Variants in UNC5A observed in about 807,000 individuals in gnomAD.
The protein encoded by UNC5A is unc-5 netrin receptor A, also known as netrin receptor UNC5A.
UNC5A carries 20 observed loss-of-function variants against 87.4 expected under a neutral mutation model. The ratio of observed to expected loss-of-function variants is 0.23; its 90% confidence interval spans 0.16 to 0.33. The LOEUF (loss-of-function observed/expected upper bound fraction) is 0.33. Among genes scored for constraint, UNC5A ranks in the 10% least tolerant of loss-of-function variants. UNC5A has a pLI of 1.00. For missense variants in UNC5A, 844 were observed against 1,133.4 expected, an observed-to-expected ratio of 0.74 and a Z score of 3.67; for synonymous variants, 438 against 482.3, an observed-to-expected ratio of 0.91 and a Z score of 1.20.
chr5:176,815,445 GT>G (rs1756564390), intron 1 of UNC5A, among the ~76,000 whole-genome samples: 2 of 152,344 alleles, frequency 1.3e-5, no homozygotes, highest in Admixed American at 1.3e-4. Flanking sequence ...GGCAGTCAGG[GT>G]CAACTTCCAA....
intron 1 of UNC5A, among the ~76,000 whole-genome samples, chr5:176,835,148 C>T (rs998018662): frequency 2.6e-5 from 4 of 152,280 alleles, no homozygotes; most frequent in Non-Finnish European, 4.4e-5. Context: ...GCCATGTGTT[C>T]TCACATCCCA....
intron 1 of UNC5A, among the ~76,000 whole-genome samples, chr5:176,847,815 C>T (rs2113631244): frequency 6.6e-6 from 1 of 152,276 alleles, no homozygotes; most frequent in Non-Finnish European, 1.5e-5. Context: ...AAAGAGGCCC[C>T]TGGCCCTCCC....
At chr5:176,840,255 C>T (rs771428763) in intron 1 of UNC5A, among the ~76,000 whole-genome samples, 4 of 152,104 alleles carry the variant, frequency 2.6e-5, no homozygotes, top group Non-Finnish European at 5.9e-5. Context: ...TGTAAGGAAC[C>T]CGCTGGGCCT....
intron 1 of UNC5A, among the ~76,000 whole-genome samples, chr5:176,846,957 G>A (rs954004827): frequency 6.6e-6 from 1 of 152,144 alleles, no homozygotes; most frequent in South Asian, 2.1e-4. Flanking sequence ...CAGGATGGAC[G>A]CAGAGCCGCG....
chr5:176,840,274 G>A (rs1321395849), intron 1 of UNC5A, among the ~76,000 whole-genome samples: 4 of 152,162 alleles, frequency 2.6e-5, no homozygotes, highest in Non-Finnish European at 5.9e-5. Context: ...CTGAGGGAGA[G>A]GAGACTGGAG....
At chr5:176,827,163 C>T (rs1463355085) in intron 1 of UNC5A, among the ~76,000 whole-genome samples, 7 of 148,324 alleles carry the variant, frequency 4.7e-5, no homozygotes, top group African/African-American at 1.5e-4. Context: ...TGAAAGCATG[C>T]ATCACTGCTT....
At chr5:176,873,111 C>T in intron 6 of UNC5A, among the ~76,000 whole-genome samples, 1 of 149,960 alleles carries the variant, frequency 6.7e-6, no homozygotes, top group Non-Finnish European at 1.5e-5. Flanking sequence ...ACCACAGCTT[C>T]CCATCTGCCC....
intron 1 of UNC5A, among the ~76,000 whole-genome samples, chr5:176,817,333 G>A (rs1455239286): frequency 6.6e-6 from 1 of 152,064 alleles, no homozygotes; most frequent in African/African-American, 2.4e-5. Context: ...CACCTGAAGC[G>A]CCTTGGGGAG....
chr5:176,817,031 A>G (rs1274981858), intron 1 of UNC5A, among the ~76,000 whole-genome samples: 1 of 152,170 alleles, frequency 6.6e-6, no homozygotes, highest in Non-Finnish European at 1.5e-5. Context: ...GAGCTCTGGG[A>G]AGTCTGAGTG....
chr5:176,866,373 C>T lies in UNC5A; in HGVS notation c.293-1757C>T, dbSNP rs184916359. ...GCTGGCACATTGAGGACACACTTGG[C>T]CCTCACTCATGCAAGTGAGAGGGAG... On this transcript the variant is annotated intron_variant, in intron 2 of 14. Coordinates refer to ENST00000329542, the MANE Select transcript of UNC5A (RefSeq NM_133369.3). The surrounding 1 kb of genome is among the most constrained non-coding windows in gnomAD (Gnocchi z 5.0). 5.4e-4 allele frequency among the ~76,000 whole-genome samples: 82 copies of T among 152,252 alleles called. 3 individuals carry two copies. Among genetic ancestry groups the T allele is most frequent in the African/African-American group, 1.9e-3 (80 of 41,554 alleles).
At chr5:176,835,729 A>ATGTGTG (rs55990257) in intron 1 of UNC5A, among the ~76,000 whole-genome samples, 5,372 of 145,292 alleles carry the variant, frequency 0.037, 148 homozygotes, top group East Asian at 0.14. Context: ...TTGATAAAGG[A>ATGTGTG]TGTGTGTGTG....
At chr5:176,818,432 C>A (rs1005070373) in intron 1 of UNC5A, among the ~76,000 whole-genome samples, 2 of 152,248 alleles carry the variant, frequency 1.3e-5, no homozygotes, top group African/African-American at 2.4e-5. Context: ...AGAGGAGGAG[C>A]CCCTGGGGGC....
intron 1 of UNC5A, among the ~76,000 whole-genome samples, chr5:176,847,755 T>C (rs780860784): frequency 6.5e-4 from 99 of 152,220 alleles, no homozygotes; most frequent in Admixed American, 2.6e-3. Flanking sequence ...CAATTATTAG[T>C]GATTTATTAA....
intron 1 of UNC5A, among the ~76,000 whole-genome samples, chr5:176,815,282 G>A (rs767546931): frequency 2.6e-5 from 4 of 152,216 alleles, no homozygotes; most frequent in Non-Finnish European, 5.9e-5. Flanking sequence ...CGCTCAGACA[G>A]GAGCTCAGCT....
rs75688670 is a variant in UNC5A at position 176,862,909 on chromosome 5, G to C, written c.292+64G>C. On this transcript the variant is annotated intron_variant, in intron 2 of 14. Coordinates refer to ENST00000329542, the MANE Select transcript of UNC5A (RefSeq NM_133369.3). ...GAGGCGAGTTTCGGCCCCCCCAGAG[G>C]AGCCTGCAGCTGCCCCCAGGATTCC... 6.7e-4 allele frequency: 1,060 copies of C among 1,581,504 alleles called. 10 individuals are homozygous for C. The African/African-American group carries it at 0.012, about 18-fold the overall frequency.
intron 1 of UNC5A, among the ~76,000 whole-genome samples, chr5:176,828,401 C>T (rs1356139279): frequency 2.6e-5 from 4 of 152,026 alleles, no homozygotes; most frequent in African/African-American, 9.7e-5. Flanking sequence ...CACTCCACAC[C>T]CACCTGTGCC....
At chr5:176,849,522 T>G (rs1326412527) in intron 1 of UNC5A, among the ~76,000 whole-genome samples, 1 of 152,064 alleles carries the variant, frequency 6.6e-6, no homozygotes, top group Non-Finnish European at 1.5e-5. Flanking sequence ...GAAGTGGAGG[T>G]TGCAGTGAGC....
chr5:176,850,161 C>T (rs1757509199), intron 1 of UNC5A, among the ~76,000 whole-genome samples: 1 of 152,224 alleles, frequency 6.6e-6, no homozygotes, highest in South Asian at 2.1e-4. Context: ...TTTGAATGAA[C>T]AGGGCTGAGT....
intron 1 of UNC5A, among the ~76,000 whole-genome samples, chr5:176,836,931 T>A (rs1330305100): frequency 6.6e-6 from 1 of 152,198 alleles, no homozygotes; most frequent in East Asian, 1.9e-4. Context: ...TTAGGAGGCA[T>A]CTTCCTCTCT....
Sources: allele counts gnomAD v4.1 joint callset (sites outside exome capture counted in the v4.1 genomes callset), GRCh38; gene constraint gnomAD v4.1.1; non-coding constraint Gnocchi (gnomAD v3.1); transcripts MANE v1.5; gene names NCBI Gene and HGNC (gene_info 2026-07-23, HGNC 2026-07-21).